The following KRT8 variants were observed in gnomAD, a reference collection of about 807,000 sequenced individuals.
The protein encoded by KRT8 is keratin 8, also known as keratin, type II cytoskeletal 8.
A neutral mutation model predicts 43.0 loss-of-function variants in KRT8; 24 were observed. The ratio of observed to expected loss-of-function variants is 0.56; its 90% CI spans 0.40 to 0.78. The LOEUF is 0.78. Among genes scored for constraint, KRT8 ranks in the 30% least tolerant of loss-of-function variants. KRT8 has a pLI of 0.00. For missense variants in KRT8, 492 were observed against 638.4 expected (o/e 0.77, Z 2.47); for synonymous variants, 214 against 261.2 (o/e 0.82, Z 1.74).
At chr12:52,901,315 T>C in intron 2 of KRT8, 96 bp from the exon 3 acceptor site, 1 of 892,434 alleles carries the variant, frequency 1.1e-6, no homozygotes, top group Non-Finnish European at 1.9e-6. Context: ...TCAGGAAAAT[T>C]CAGTTCACAG....
intron 5 of KRT8, among the ~76,000 whole-genome samples, chr12:52,899,139 C>G (rs904603558): frequency 4.1e-4 from 62 of 152,216 alleles, no homozygotes; most frequent in African/African-American, 1.4e-3. Flanking sequence ...ACAGTGAAAC[C>G]CCGTCTCTAG....
chr12:52,919,310 T>G (rs1478626645), intron 2 of KRT8, among the ~76,000 whole-genome samples: 1 of 152,168 alleles, frequency 6.6e-6, no homozygotes, highest in Non-Finnish European at 1.5e-5. Context: ...TCACCCAGTC[T>G]GGAGTGCATG....
chr12:52,938,696 C>A (rs1942219291), intron 2 of KRT8, among the ~76,000 whole-genome samples: 1 of 151,988 alleles, frequency 6.6e-6, no homozygotes, highest in African/African-American at 2.4e-5. Context: ...CAGCTCACTG[C>A]AAGCTCTGCC....
rs777544382 is a variant in KRT8 at position 52,898,936 on chromosome 12, G to T, written c.982-37C>A. ...GGGACAGGTAAGTAGGTCAGGTTGG[G>T]TATGCCTTCTCTTCTCCCGTGCTCC... On this transcript the variant is annotated intron_variant, in intron 5 of 7. Transcript: ENST00000692008. The T allele has an allele frequency of 5.7e-6, 9 of 1,591,792 alleles. No homozygotes were observed. The East Asian group carries it at 1.6e-4, about 28-fold the overall frequency.
At chr12:52,922,028 C>A (rs1215860725) in intron 2 of KRT8, among the ~76,000 whole-genome samples, 1 of 151,320 alleles carries the variant, frequency 6.6e-6, no homozygotes, top group African/African-American at 2.4e-5. Context: ...AAAAATTGTT[C>A]TAATTATCCA....
At chr12:52,941,191 C>G (rs1038202484) in intron 2 of KRT8, among the ~76,000 whole-genome samples, 1 of 151,594 alleles carries the variant, frequency 6.6e-6, no homozygotes, top group Non-Finnish European at 1.5e-5. Flanking sequence ...CTCAGCCTCC[C>G]GAGTAGCTGG....
intron 2 of KRT8, among the ~76,000 whole-genome samples, chr12:52,942,084 T>G (rs891526030): frequency 8.5e-5 from 13 of 152,148 alleles, no homozygotes; most frequent in African/African-American, 3.1e-4. Context: ...TCCTTGATTA[T>G]TATTGTCTAG....
rs759486544 is a variant in KRT8, at chr12:52,900,641, G to A, written c.637C>T (p.Arg213Cys). 5.6e-6 allele frequency: 9 copies of A among 1,613,396 alleles called. No individual in the cohort carries two copies. In the South Asian group the frequency reaches 6.6e-5, roughly 12 times the overall value. The change falls in exon 4 of 8, where the codon CGC becomes TGC. Residue 213 changes from arginine to cysteine, a missense_variant. Physicochemically the swap from Arg to Cys is radical, Grantham distance 180 (BLOSUM62 -3). This residue lies in a region of KRT8 where 389 missense variants were observed against 485.7 expected (regional missense o/e 0.80). Coordinates refer to ENST00000692008, the Ensembl canonical transcript of KRT8. ...ATCTCGTCGGTCAGCCCTTCCAGGC[G>A]AGACTCCAGCTCTACCTTGTTCATG...
chr12:52,922,184 TAAAAAAAAAAAAAAAAAA>T (rs57023136), intron 2 of KRT8, among the ~76,000 whole-genome samples: 4 of 38,674 alleles, frequency 1.0e-4, no homozygotes, highest in Non-Finnish European at 1.8e-4. Flanking sequence ...ACCCTGTCTC[TAAAAAAAAAAAAAAAAAA>T]AAAAAAAAAA....
intron 2 of KRT8, among the ~76,000 whole-genome samples, chr12:52,923,423 T>C (rs894599288): frequency 1.3e-5 from 2 of 152,130 alleles, no homozygotes; most frequent in African/African-American, 4.8e-5. Flanking sequence ...TTTTGTTTTG[T>C]TTTGTTTTGT....
At chr12:52,905,106 G>C, upstream of KRT8, 20 of 1,453,390 alleles carry the variant, frequency 1.4e-5, no homozygotes, top group Non-Finnish European at 1.7e-5. Flanking sequence ...CCCAGCCCCG[G>C]GGGATGGGGG....
intron 2 of KRT8, among the ~76,000 whole-genome samples, chr12:52,933,058 C>T (rs1186972512): frequency 6.6e-6 from 1 of 152,164 alleles, no homozygotes; most frequent in Non-Finnish European, 1.5e-5. Context: ...ATTCTCCTGC[C>T]TCAGCCTCCC....
chr12:52,913,639 C>T (rs1039714739), intron 2 of KRT8, among the ~76,000 whole-genome samples: 2 of 151,304 alleles, frequency 1.3e-5, no homozygotes. Flanking sequence ...TTGTCCCTCA[C>T]ACACTCTCTC....
At chr12:52,933,743 A>G (rs552129973) in intron 2 of KRT8, among the ~76,000 whole-genome samples, 1 of 151,548 alleles carries the variant, frequency 6.6e-6, no homozygotes, top group Non-Finnish European at 1.5e-5. Flanking sequence ...TCTTGCCTCA[A>G]CCTCCTGAGT....
In KRT8 at chr12:52,901,854, A is replaced by G. The variant is rs1387450273; in HGVS notation, c.533+10T>C. ...TGACTTCAGTTGGGTGGAGGGTGGG[A>G]GTTGCTCACTTGTTCTTGAAGTCCT... On this transcript the variant is annotated intron_variant, in intron 2 of 7. Transcript: ENST00000692008. The G allele has an allele frequency of 6.3e-7, 1 of 1,591,172 alleles. No homozygotes were observed. Among genetic ancestry groups the G allele is most frequent in the South Asian group, 1.1e-5 (1 of 90,606 alleles).
chr12:52,948,833 G>A (rs1942398967), intron 2 of KRT8: 1 of 413,610 alleles, frequency 2.4e-6, no homozygotes. Flanking sequence ...CTCCACCTGG[G>A]GGAGAAGAGC....
chr12:52,931,934 A>G (rs1233960139), intron 2 of KRT8, among the ~76,000 whole-genome samples: 1 of 151,970 alleles, frequency 6.6e-6, no homozygotes, highest in East Asian at 1.9e-4. Flanking sequence ...AAGTGCTGGG[A>G]TTACAGGCAT....
chr12:52,913,064 G>C (rs1017952825), intron 2 of KRT8, among the ~76,000 whole-genome samples: 2 of 152,214 alleles, frequency 1.3e-5, no homozygotes, highest in Non-Finnish European at 1.5e-5. Flanking sequence ...TTGGGATCAA[G>C]GGCACTCATC....
rs1472752029 is a variant in KRT8 at position 52,918,183 on chromosome 12, A to AGAG, written c.-46-13157_-46-13156insCTC. Among the ~76,000 whole-genome samples, 131 of 108,392 alleles carry AGAG rather than the reference A, an allele frequency of 1.2e-3. 3 individuals are homozygous for AGAG. The highest frequency in any genetic ancestry group is 4.8e-3 in the African/African-American group (120 of 24,748). The allele number at this position is 108,392 out of a possible 152,430, so 71.1% of individuals were successfully genotyped here. A position where few individuals can be genotyped will look rare whatever the true frequency, so the allele number is the denominator to read the frequency against. On this transcript the variant is annotated intron_variant, in intron 2 of 6. Coordinates refer to the KRT8 transcript ENST00000546826. ...AAGAAGAAGAAGAAGAGGAAGAGGA[A>AGAG]GAAGAAGAAGAAGAAGAAGAACAAG...
Sources: allele counts gnomAD v4.1 joint callset (sites outside exome capture counted in the v4.1 genomes callset), GRCh38; gene constraint gnomAD v4.1.1; regional missense constraint gnomAD v4.1.1; transcripts MANE v1.5; gene names NCBI Gene and HGNC (gene_info 2026-07-23, HGNC 2026-07-21).